Variants in LRRC53 observed in about 807,000 individuals in gnomAD.
LRRC53 encodes leucine-rich repeat-containing protein 53.
LRRC53 carries 25 observed loss-of-function variants against 13.6 expected under a neutral mutation model. That is an observed-to-expected ratio of 1.83 (90% CI 1.34 to 2.56). LRRC53 has a LOEUF of 2.56. LRRC53 is among the 30% of genes most tolerant of loss of function. LRRC53 has a pLI of 0.00. For synonymous variants in LRRC53, 204 were observed against 109.8 expected (o/e 1.86, Z -5.37); for missense variants, 527 against 275.8 (o/e 1.91, Z -6.45).
upstream of LRRC53, among the ~76,000 whole-genome samples, chr1:74,513,233 G>T (rs781334114): frequency 2.0e-5 from 3 of 152,124 alleles, no homozygotes; most frequent in Non-Finnish European, 2.9e-5. Context: ...TTCCTAGTTC[G>T]TTTATTCAGC....
intron 1 of LRRC53, among the ~76,000 whole-genome samples, chr1:74,496,310 C>G (rs1669323232): frequency 6.6e-6 from 1 of 152,172 alleles, no homozygotes; most frequent in Non-Finnish European, 1.5e-5. Flanking sequence ...TTATTACGTG[C>G]ATCATCCCTG....
chr1:74,518,870 T>C, the LRRC53 span, among the ~76,000 whole-genome samples: 4 of 72,132 alleles, frequency 5.5e-5, no homozygotes, highest in African/African-American at 2.8e-4. Flanking sequence ...TTATTTTTTT[T>C]CCCCTTTTTT....
the LRRC53 span, among the ~76,000 whole-genome samples, chr1:74,533,505 G>A: frequency 6.6e-6 from 1 of 152,102 alleles, no homozygotes; most frequent in African/African-American, 2.4e-5. Flanking sequence ...TCAGTGTGGT[G>A]ATTCCTCAGG....
chr1:74,480,280 CTG>C lies in LRRC53; in HGVS notation c.775_776del (p.Gln259GlufsTer7). On this transcript the variant is annotated frameshift_variant, in exon 3 of 5. Coordinates refer to ENST00000294635, the MANE Select transcript of LRRC53 (RefSeq NM_001382280.1). LOFTEE classifies it high-confidence loss of function. ...TGGTCTCAGACAGCCTCAGCACACT[CTG>C]TGCAGCTGCCACAGCTGCGGTAGAT... ...QPSTAAVAAAQSVLRLSETNC... is the reference protein window; with the variant it reads ...QPSTAAVAAAXSVLRLSETNC... The C allele has an allele frequency of 2.8e-6, 2 of 717,536 alleles. No individual in the cohort carries two copies. The highest frequency in any genetic ancestry group is 5.2e-6 in the Non-Finnish European group (2 of 385,098). The allele number at this position is 717,536 out of a possible 1,614,324, so 44.4% of individuals were successfully genotyped here.
intron 1 of LRRC53, among the ~76,000 whole-genome samples, chr1:74,509,387 T>G (rs575381412): frequency 6.6e-6 from 1 of 152,350 alleles, no homozygotes; most frequent in East Asian, 1.9e-4. Context: ...ATTGTGAATG[T>G]GGCTGCTGAA....
At chr1:74,476,774 C>T (rs544424638) in intron 3 of LRRC53, among the ~76,000 whole-genome samples, 2 of 152,210 alleles carry the variant, frequency 1.3e-5, no homozygotes, top group East Asian at 3.9e-4. Flanking sequence ...ATTCCAGATT[C>T]TTTGACTGGC....
the LRRC53 span, among the ~76,000 whole-genome samples, chr1:74,518,898 A>G: frequency 4.2e-5 from 2 of 47,084 alleles, no homozygotes; most frequent in African/African-American, 1.4e-4. Flanking sequence ...TTTTTTTATT[A>G]TACTCTAAGT....
At chr1:74,493,543 T>C (rs1352758577) in intron 1 of LRRC53, among the ~76,000 whole-genome samples, 6 of 152,326 alleles carry the variant, frequency 3.9e-5, no homozygotes, top group African/African-American at 1.4e-4. Flanking sequence ...GAGAAATATA[T>C]CTGTCATATA....
the LRRC53 span, among the ~76,000 whole-genome samples, chr1:74,530,555 C>T: frequency 6.6e-6 from 1 of 152,064 alleles, no homozygotes. Flanking sequence ...ACTAGAAGAT[C>T]AGAATTCTAG....
chr1:74,478,885 C>T (rs1279378069), intron 3 of LRRC53, among the ~76,000 whole-genome samples: 2 of 152,168 alleles, frequency 1.3e-5, no homozygotes, highest in Non-Finnish European at 2.9e-5. Context: ...TTAGCACATA[C>T]AATTACTGAC....
At chr1:74,497,200 G>A (rs1316665114) in intron 1 of LRRC53, among the ~76,000 whole-genome samples, 1 of 152,102 alleles carries the variant, frequency 6.6e-6, no homozygotes. Context: ...CCATGACACT[G>A]ATGTTCCTAG....
rs565423428 is a variant in LRRC53 at position 74,471,827 on chromosome 1, G to T, written c.1795C>A (p.Pro599Thr). Residue 599 changes from proline to threonine, a missense_variant, in exon 5 of 5, where the codon CCT (proline) becomes ACT (threonine). By Grantham distance (38) the Pro-to-Thr change is conservative. Transcript: ENST00000294635. Reference protein sequence around the residue: ...KKPNRRQHSKPEKEQIQINSA... With the variant: ...KKPNRRQHSKTEKEQIQINSA... ...TTAATTTGGATTTGCTCTTTCTCAG[G>T]CTTTGAGTGTTGTCTACGATTTGGC... is the stretch of plus-strand genomic sequence containing the variant. 2.3e-6 allele frequency: 1 copy of T among 443,644 alleles called. No homozygotes were observed. Among genetic ancestry groups the T allele is most frequent in the Non-Finnish European group, 4.0e-6 (1 of 251,664 alleles). The allele number at this position is 443,644 out of a possible 1,614,324, so 27.5% of individuals were successfully genotyped here. A position where few individuals can be genotyped will look rare whatever the true frequency, so the allele number is the denominator to read the frequency against.
intron 1 of LRRC53, among the ~76,000 whole-genome samples, chr1:74,506,796 T>G (rs1368170904): frequency 6.6e-6 from 1 of 152,188 alleles, no homozygotes; most frequent in Non-Finnish European, 1.5e-5. Flanking sequence ...CTTTCTAGAT[T>G]TTTTTCCTTC....
upstream of LRRC53, among the ~76,000 whole-genome samples, chr1:74,515,884 G>A (rs984166): frequency 0.082 from 12,448 of 152,242 alleles, 1,130 homozygotes; most frequent in African/African-American, 0.22. Context: ...ACTTACACCT[G>A]CCAACCTAAT....
the LRRC53 span, among the ~76,000 whole-genome samples, chr1:74,518,878 T>A: frequency 5.2e-4 from 57 of 109,900 alleles, 6 homozygotes; most frequent in African/African-American, 3.8e-3. Flanking sequence ...TTTCCCCTTT[T>A]TTTTTTTTTT....
In LRRC53 at chr1:74,469,906, G is replaced by A; in HGVS notation, c.3716C>T (p.Ala1239Val). Residue 1239 changes from alanine to valine, a missense_variant, in exon 5 of 5, where the codon GCT (alanine) becomes GTT (valine). Coordinates refer to ENST00000294635, the MANE Select transcript of LRRC53 (RefSeq NM_001382280.1). ...TTCTGTTTCTAAAGGTGATGTAGTA[G>A]CATATTCAGCAGATGGTGGATACAG... ...PVLYPPSAEY[A>V]TTSPLETE 2.5e-6 allele frequency: 1 copy of A among 400,580 alleles called. No individual in the cohort carries two copies. The highest frequency in any genetic ancestry group is 2.0e-5 in the African/African-American group (1 of 48,820). The allele number at this position is 400,580 out of a possible 1,614,324, so 24.8% of individuals were successfully genotyped here. A position where few individuals can be genotyped will look rare whatever the true frequency, so the allele number is the denominator to read the frequency against.
chr1:74,473,407 T>C (rs1276695178), intron 4 of LRRC53, among the ~76,000 whole-genome samples: 1 of 152,128 alleles, frequency 6.6e-6, no homozygotes, highest in Non-Finnish European at 1.5e-5. Flanking sequence ...ATACTTTCTA[T>C]TGTTTCATGA....
chr1:74,507,148 A>G (rs1669945203), intron 1 of LRRC53, among the ~76,000 whole-genome samples: 1 of 152,124 alleles, frequency 6.6e-6, no homozygotes, highest in African/African-American at 2.4e-5. Context: ...AGGCAAGCAC[A>G]ATCCAAGTTC....
chr1:74,490,424 A>C (rs1669008639), intron 1 of LRRC53, among the ~76,000 whole-genome samples: 1 of 152,192 alleles, frequency 6.6e-6, no homozygotes, highest in South Asian at 2.1e-4. Context: ...TTCGAGCCTA[A>C]TGGGATAGAT....
Sources: allele counts gnomAD v4.1 joint callset (sites outside exome capture counted in the v4.1 genomes callset), GRCh38; gene constraint gnomAD v4.1.1; transcripts MANE v1.5; gene names NCBI Gene and HGNC (gene_info 2026-07-23, HGNC 2026-07-21).